DOCK5: variants seen among roughly 807,000 people sequenced by gnomAD.
DOCK5 encodes the protein dedicator of cytokinesis 5.
DOCK5 carries 142 observed loss-of-function variants against 251.8 expected under a neutral mutation model. The observed-to-expected ratio is 0.56, with a 90% confidence interval of 0.49 to 0.65. The LOEUF is 0.65. Among genes scored for constraint, DOCK5 ranks in the 30% least tolerant of loss-of-function variants. DOCK5 has a pLI of 0.00. For missense variants in DOCK5, 2,111 were observed against 2,312.3 expected, an observed-to-expected ratio of 0.91 and a Z score of 1.79; for synonymous variants, 842 against 835.5, an observed-to-expected ratio of 1.01 and a Z score of -0.13.
intron 47 of DOCK5, among the ~76,000 whole-genome samples, chr8:25,401,993 G>C (rs1428313185): frequency 6.6e-6 from 1 of 152,198 alleles, no homozygotes; most frequent in African/African-American, 2.4e-5. Flanking sequence ...CTCCTGAGCA[G>C]TTCAGTGGAT....
rs192854761 is a variant in DOCK5, at chr8:25,196,014, T to C, written c.43+11063T>C. Among the ~76,000 whole-genome samples the C allele has an allele frequency of 6.6e-4, 101 of 152,266 alleles. 2 individuals carry two copies. In the South Asian group the frequency reaches 0.013, roughly 19 times the overall value. On this transcript the variant is annotated intron_variant, in intron 1 of 51. Coordinates refer to ENST00000276440, the MANE Select transcript of DOCK5 (RefSeq NM_024940.8). Reference sequence around the variant, plus strand: ...TGGAAAATACCACCCTGTGTGTATTTCCCATGAGAGAAACATCAAAGGCAG... The same window carrying C: ...TGGAAAATACCACCCTGTGTGTATTCCCCATGAGAGAAACATCAAAGGCAG...
At chr8:25,376,046 C>A (rs1290452027) in intron 37 of DOCK5, 1 of 951,266 alleles carries the variant, frequency 1.1e-6, no homozygotes, top group African/African-American at 1.8e-5. Flanking sequence ...TTGCAGTATG[C>A]TGAGATGGTG....
chr8:25,299,236 T>A lies in DOCK5; in HGVS notation c.764+135T>A, dbSNP rs571377460. 5.2e-5 allele frequency: 54 copies of A among 1,043,958 alleles called. No individual in the cohort carries two copies. The East Asian group carries it at 1.3e-3, about 25-fold the overall frequency. The allele number at this position is 1,043,958 out of a possible 1,614,324, so 64.7% of individuals were successfully genotyped here. A position where few individuals can be genotyped will look rare whatever the true frequency, so the allele number is the denominator to read the frequency against. ...CATGGAAGATTTCTAAGCAGTAGAA[T>A]GTAAAATCATATGGTCTATGAAGCC... is the stretch of plus-strand genomic sequence containing the variant. On this transcript the variant is annotated intron_variant, in intron 8 of 51. Coordinates refer to ENST00000276440, the MANE Select transcript of DOCK5 (RefSeq NM_024940.8).
chr8:25,351,967 C>T, intron 27 of DOCK5, 141 bp downstream of exon 27: 1 of 635,588 alleles, frequency 1.6e-6, no homozygotes, highest in Non-Finnish European at 2.7e-6. Flanking sequence ...ATAACCTTAG[C>T]AGATCTTGAT....
In DOCK5 at chr8:25,334,730, C is replaced by T. The variant is rs17053412; in HGVS notation, c.2192+534C>T. Among the ~76,000 whole-genome samples the T allele has an allele frequency of 9.2e-3, 1,181 of 127,730 alleles. 19 individuals carry two copies. Among genetic ancestry groups the T allele is most frequent in the African/African-American group, 0.029 (1,104 of 37,492 alleles). The allele number at this position is 127,730 out of a possible 152,430, so 83.8% of individuals were successfully genotyped here. On this transcript the variant is annotated intron_variant, in intron 21 of 51. Transcript: ENST00000276440. ...TAGTATCTAAAAAAAAAAAAAAAAT[C>T]GAGCAAAATCAATAACAAATGACTC...
intron 26 of DOCK5, among the ~76,000 whole-genome samples, chr8:25,346,896 C>A (rs1457115681): frequency 6.6e-6 from 1 of 151,830 alleles, no homozygotes; most frequent in Non-Finnish European, 1.5e-5. Context: ...GTGCAGCCCA[C>A]AGGCCTAGCA....
chr8:25,199,918 A>G (rs1801840075), intron 1 of DOCK5, among the ~76,000 whole-genome samples: 1 of 152,030 alleles, frequency 6.6e-6, no homozygotes, highest in African/African-American at 2.4e-5. Flanking sequence ...TACCATAAGC[A>G]GAGAAGGCCT....
chr8:25,296,796 G>A (rs1212585749), intron 7 of DOCK5, 148 bp downstream of exon 7: 1 of 930,344 alleles, frequency 1.1e-6, no homozygotes, highest in Non-Finnish European at 1.6e-6. Flanking sequence ...AAAGGATGAG[G>A]CAGGTATATA....
chr8:25,363,919 C>T (rs559753994), intron 29 of DOCK5, among the ~76,000 whole-genome samples: 4 of 152,322 alleles, frequency 2.6e-5, no homozygotes, highest in Non-Finnish European at 4.4e-5. Context: ...CTTCTTCCTT[C>T]GATTTTCCAT....
At chr8:25,392,768 C>CA (rs1801282795) in intron 43 of DOCK5, 28 bp from the exon 44 acceptor site, 1 of 1,589,698 alleles carries the variant, frequency 6.3e-7, no homozygotes, top group African/African-American at 1.3e-5. Context: ...AATTGACCAA[C>CA]ATTTCATGTT....
Position 25,363,111 on chromosome 8 carries a change from A to G in DOCK5, c.3014A>G (p.Asp1005Gly). 1 of 1,614,028 alleles carries G rather than the reference A, an allele frequency of 6.2e-7. No individual in the cohort carries two copies. Among genetic ancestry groups the G allele is most frequent in the Non-Finnish European group, 8.5e-7 (1 of 1,179,872 alleles). The change falls in exon 29 of 52, where the codon GAT becomes GGT. Residue 1005 changes from aspartate (D) to glycine (G), a missense_variant. Asp to Gly is a moderately conservative substitution (Grantham distance 94, BLOSUM62 -1). This residue lies in a region of DOCK5 where 1,717 missense variants were observed against 1,892.4 expected (regional missense o/e 0.91). Coordinates refer to ENST00000276440, the MANE Select transcript of DOCK5 (RefSeq NM_024940.8). ...ATTGGAAAGAATGTCTATGCCAAAG[A>G]TTGGATGGTGATGAATATGACTCAA... ...DLIGKNVYAK[D>G]WMVMNMTQNR...
Position 25,373,669 on chromosome 8 carries a change from G to A in DOCK5, c.3725+11G>A, listed in dbSNP as rs1005661225. On this transcript the variant is annotated intron_variant, in intron 36 of 51. Transcript: ENST00000276440. ...GGACATATACATAAGGTAAGCTGAAGGAAATTTCTTGCTTCTGCTGTTTAT... is the reference window on the plus strand; with the variant it reads ...GGACATATACATAAGGTAAGCTGAAAGAAATTTCTTGCTTCTGCTGTTTAT... 1.9e-6 allele frequency: 3 copies of A among 1,585,794 alleles called. No homozygotes were observed. The highest frequency in any genetic ancestry group is 1.8e-5 in the Admixed American group (1 of 54,632).
Position 25,358,964 on chromosome 8 carries a change from G to A in DOCK5, c.2852G>A (p.Gly951Glu). 6.2e-7 allele frequency: 1 copy of A among 1,613,644 alleles called. No homozygotes were observed. The highest frequency in any genetic ancestry group is 8.5e-7 in the Non-Finnish European group (1 of 1,179,580). ...IGMNRQSPHI[G>E]SFVACMIALL... The stretch of plus-strand genomic sequence containing the variant: ...TTTGTGCTTTCCTTTTCCTTCCAGG[G>A]GAGTTTTGTGGCTTGCATGATTGCC... The change falls in exon 28 of 52, where the codon GGG becomes GAG. Residue 951 changes from glycine (G) to glutamate (E), a missense_variant and splice_region_variant. Physicochemically the swap from Gly to Glu is moderately conservative, Grantham distance 98 (BLOSUM62 -2). Transcript: ENST00000276440.
intron 3 of DOCK5, among the ~76,000 whole-genome samples, chr8:25,272,025 A>G (rs1456132735): frequency 6.6e-6 from 1 of 152,144 alleles, no homozygotes; most frequent in Non-Finnish European, 1.5e-5. Context: ...ACATACATAT[A>G]TACATACATA....
intron 18 of DOCK5, among the ~76,000 whole-genome samples, chr8:25,325,853 G>A (rs904470778): frequency 6.6e-6 from 1 of 152,218 alleles, no homozygotes; most frequent in East Asian, 1.9e-4. Flanking sequence ...TATGTTCCCT[G>A]ATAGTGCATT....
chr8:25,310,342 C>A, intron 12 of DOCK5, 65 bp from the exon 13 acceptor site: 1 of 1,487,228 alleles, frequency 6.7e-7, no homozygotes, highest in Non-Finnish European at 9.0e-7. Flanking sequence ...GTTCTTCTCA[C>A]CAGTTACGCA....
At chr8:25,237,719 C>T (rs1802838373) in intron 1 of DOCK5, among the ~76,000 whole-genome samples, 1 of 152,200 alleles carries the variant, frequency 6.6e-6, no homozygotes, top group Non-Finnish European at 1.5e-5. Flanking sequence ...ACAGCAACTC[C>T]CGGTTCTTGT....
At chr8:25,407,898 G>T in intron 48 of DOCK5, 85 bp from the exon 49 acceptor site, 13 of 1,238,784 alleles carry the variant, frequency 1.0e-5, no homozygotes, top group South Asian at 4.8e-5. Context: ...AGCCTAAAGA[G>T]TCATAACTGC....
At chr8:25,384,196 G>A (rs1301504272) in intron 40 of DOCK5, among the ~76,000 whole-genome samples, 1 of 152,128 alleles carries the variant, frequency 6.6e-6, no homozygotes, top group Non-Finnish European at 1.5e-5. Context: ...CGTACTCTGT[G>A]GTTTTATTTA....
Sources: allele counts gnomAD v4.1 joint callset (sites outside exome capture counted in the v4.1 genomes callset), GRCh38; gene constraint gnomAD v4.1.1; regional missense constraint gnomAD v4.1.1; transcripts MANE v1.5; gene names NCBI Gene and HGNC (gene_info 2026-07-23, HGNC 2026-07-21).